Variants in TMEM232 observed in about 807,000 individuals in gnomAD.
The protein encoded by TMEM232 is transmembrane protein 232.
A neutral mutation model predicts 78.8 loss-of-function variants in TMEM232; 80 were observed. That is an observed-to-expected ratio of 1.01 (90% confidence interval 0.85 to 1.22). TMEM232 has a LOEUF of 1.22. TMEM232 is among the 50% of genes most tolerant of loss of function. TMEM232 has a pLI of 0.00. For missense variants in TMEM232, 881 were observed against 742.2 expected (o/e 1.19, Z -2.17); for synonymous variants, 297 against 254.3 (o/e 1.17, Z -1.60).
At chr5:110,520,050 T>TATATATATAGAGAG (rs374219408) in intron 12 of TMEM232, among the ~76,000 whole-genome samples, 16 of 147,232 alleles carry the variant, frequency 1.1e-4, no homozygotes, top group African/African-American at 3.8e-4. Context: ...TATATATATA[T>TATATATATAGAGAG]AGAGAGAGAG....
chr5:110,670,960 T>TA (rs569846388), intron 1 of TMEM232, among the ~76,000 whole-genome samples: 48 of 151,348 alleles, frequency 3.2e-4, no homozygotes, highest in African/African-American at 8.7e-4. Context: ...TTGTGAATTA[T>TA]AAAAAAAATA....
intron 10 of TMEM232, among the ~76,000 whole-genome samples, chr5:110,593,207 G>C (rs953294610): frequency 6.6e-6 from 1 of 152,144 alleles, no homozygotes; most frequent in Non-Finnish European, 1.5e-5. Context: ...GGTCTGCTTT[G>C]ATGCCATTAT....
chr5:110,674,677 T>G (rs2150157190), intron 1 of TMEM232, among the ~76,000 whole-genome samples: 1 of 152,324 alleles, frequency 6.6e-6, no homozygotes, highest in South Asian at 2.1e-4. Flanking sequence ...TAAAAAGACA[T>G]AGTTAATTGA....
At chr5:110,726,394 C>T (rs987517658) in intron 1 of TMEM232, among the ~76,000 whole-genome samples, 1 of 152,108 alleles carries the variant, frequency 6.6e-6, no homozygotes, top group Admixed American at 6.5e-5. Flanking sequence ...TATCAAACGA[C>T]CTGGTGGCTT....
intron 11 of TMEM232, among the ~76,000 whole-genome samples, chr5:110,563,615 A>G (rs1272653907): frequency 6.6e-6 from 1 of 151,934 alleles, no homozygotes; most frequent in Non-Finnish European, 1.5e-5. Flanking sequence ...TAATTTTTTT[A>G]AGGTCCAACA....
chr5:110,562,371 C>T (rs2149662681), intron 11 of TMEM232, among the ~76,000 whole-genome samples: 1 of 152,188 alleles, frequency 6.6e-6, no homozygotes, highest in South Asian at 2.1e-4. Context: ...CTCTGCATGG[C>T]TCATGACATT....
intron 4 of TMEM232, among the ~76,000 whole-genome samples, chr5:110,388,622 T>G (rs1323191583): frequency 6.6e-6 from 1 of 152,124 alleles, no homozygotes; most frequent in East Asian, 1.9e-4. Flanking sequence ...AGTTGCTACA[T>G]CTTTCAATCA....
chr5:110,707,557 C>G (rs573962765), intron 1 of TMEM232, among the ~76,000 whole-genome samples: 57 of 152,326 alleles, frequency 3.7e-4, no homozygotes, highest in Non-Finnish European at 6.5e-4. Context: ...CTCTGCAGTT[C>G]TAGACAAACT....
rs941855895 is a variant in TMEM232 at position 110,474,261 on chromosome 5, AATT to A, written c.1704-49348_1704-49346del. ...CACATGGTACCCCATAAATATGTAC[AATT>A]ATTATATGTCAATTAAAAATACAAT... On this transcript the variant is annotated intron_variant, in intron 12 of 13. Transcript: ENST00000455884. 1.6e-4 allele frequency among the ~76,000 whole-genome samples: 24 copies of A among 152,074 alleles called. No homozygotes were observed. In the East Asian group the frequency reaches 2.5e-3, roughly 16 times the overall value.
chr5:110,719,635 A>T (rs145818138), intron 1 of TMEM232, among the ~76,000 whole-genome samples: 1,839 of 151,694 alleles, frequency 0.012, 46 homozygotes, highest in African/African-American at 0.042. Context: ...CTTGTTTTTG[A>T]TATTGTTTGC....
intron 12 of TMEM232, among the ~76,000 whole-genome samples, chr5:110,448,370 T>A (rs1023395265): frequency 6.6e-6 from 1 of 152,042 alleles, no homozygotes; most frequent in African/African-American, 2.4e-5. Context: ...CAAAGAGTAA[T>A]AGTAGTGGCA....
At chr5:110,577,735 G>A (rs1033543489) in intron 10 of TMEM232, among the ~76,000 whole-genome samples, 2 of 152,012 alleles carry the variant, frequency 1.3e-5, no homozygotes, top group Admixed American at 1.3e-4. Flanking sequence ...CATGGGTGGA[G>A]CTTAAGGCCA....
intron 10 of TMEM232, among the ~76,000 whole-genome samples, chr5:110,599,209 CA>C (rs1272907857): frequency 6.6e-6 from 1 of 151,986 alleles, no homozygotes; most frequent in Non-Finnish European, 1.5e-5. Flanking sequence ...CCAGCCCCTG[CA>C]AAAACATGCC....
In TMEM232 at chr5:110,638,356, C is replaced by T; in HGVS notation, c.344-1G>A. The T allele has an allele frequency of 2.0e-6, 3 of 1,526,152 alleles. No individual in the cohort carries two copies. Among genetic ancestry groups the T allele is most frequent in the Non-Finnish European group, 2.6e-6 (3 of 1,138,326 alleles). The allele number at this position is 1,526,152 out of a possible 1,614,324, so 94.5% of individuals were successfully genotyped here. A position where few individuals can be genotyped will look rare whatever the true frequency, so the allele number is the denominator to read the frequency against. ...GATGCATAAAGCATATTTAAAGATTCTGAAATATTAAAAATATAGAAACTG... is the reference window on the plus strand; with the variant it reads ...GATGCATAAAGCATATTTAAAGATTTTGAAATATTAAAAATATAGAAACTG... On this transcript the variant is annotated splice_acceptor_variant, in intron 4 of 13. Coordinates refer to ENST00000455884, the MANE Select transcript of TMEM232 (RefSeq NM_001039763.4). LOFTEE classifies it high-confidence loss of function.
chr5:110,630,157 T>C (rs1033616704), intron 5 of TMEM232, among the ~76,000 whole-genome samples: 6 of 152,190 alleles, frequency 3.9e-5, no homozygotes, highest in African/African-American at 1.4e-4. Flanking sequence ...AAAGTACTTA[T>C]AGAGCATGCT....
chr5:110,707,053 A>C (rs1438880693), intron 1 of TMEM232, among the ~76,000 whole-genome samples: 2 of 152,184 alleles, frequency 1.3e-5, no homozygotes, highest in Non-Finnish European at 2.9e-5. Context: ...TTTCAGAAAA[A>C]GGAATATCCA....
At chr5:110,462,610 T>G (rs149243758) in intron 12 of TMEM232, among the ~76,000 whole-genome samples, 4,048 of 152,288 alleles carry the variant, frequency 0.027, 177 homozygotes, top group African/African-American at 0.093. Flanking sequence ...AAGGCTGCAC[T>G]GCTGGCTTCC....
At chr5:110,646,583 G>A (rs917882157) in intron 2 of TMEM232, among the ~76,000 whole-genome samples, 3 of 151,692 alleles carry the variant, frequency 2.0e-5, no homozygotes, top group Non-Finnish European at 3.0e-5. Flanking sequence ...TGTAAGGCCT[G>A]AAACTGTAAA....
At chr5:110,420,799 A>G (rs1756553268) in intron 13 of TMEM232, 43 bp from the exon 14 acceptor site, 5 of 1,484,776 alleles carry the variant, frequency 3.4e-6, no homozygotes, top group African/African-American at 2.9e-5. Flanking sequence ...TTTCCATGAA[A>G]AAATGCATAT....
Sources: allele counts gnomAD v4.1 joint callset (sites outside exome capture counted in the v4.1 genomes callset), GRCh38; gene constraint gnomAD v4.1.1; transcripts MANE v1.5; gene names NCBI Gene and HGNC (gene_info 2026-07-23, HGNC 2026-07-21).